GPC5: variants seen among roughly 807,000 people sequenced by gnomAD.
The protein encoded by GPC5 is glypican-5.
A neutral mutation model predicts 53.9 loss-of-function variants in GPC5; 47 were observed. That is an observed-to-expected ratio of 0.87 (90% confidence interval 0.69 to 1.11). GPC5 has a LOEUF of 1.11. Ranked by LOEUF, GPC5 falls within the 50% of genes most tolerant of loss-of-function variation. The pLI, the probability that GPC5 is intolerant of heterozygous loss-of-function variation, is 0.00. For missense variants in GPC5, 748 were observed against 713.1 expected (o/e 1.05, Z -0.56); for synonymous variants, 286 against 263.3 (o/e 1.09, Z -0.84).
At chr13:92,183,703 A>T (rs2042163580) in intron 7 of GPC5, among the ~76,000 whole-genome samples, 1 of 152,018 alleles carries the variant, frequency 6.6e-6, no homozygotes, top group African/African-American at 2.4e-5. Flanking sequence ...GTCAAATGTA[A>T]ATATGGTATA....
At chr13:92,609,862 C>G (rs1219701678) in intron 7 of GPC5, among the ~76,000 whole-genome samples, 3 of 151,762 alleles carry the variant, frequency 2.0e-5, no homozygotes, top group African/African-American at 7.3e-5. Context: ...GAAATCCCGT[C>G]TCTACTAAAA....
chr13:92,406,932 C>T (rs1875819883), intron 7 of GPC5, among the ~76,000 whole-genome samples: 1 of 152,158 alleles, frequency 6.6e-6, no homozygotes, highest in South Asian at 2.1e-4. Context: ...CATTATTCAT[C>T]TCTTTGCAGA....
chr13:91,873,790 C>T (rs1273667856), intron 5 of GPC5, among the ~76,000 whole-genome samples: 6 of 152,044 alleles, frequency 3.9e-5, no homozygotes, highest in African/African-American at 7.2e-5. Flanking sequence ...CTCAAGGACT[C>T]CTCCTGTTAG....
intron 2 of GPC5, among the ~76,000 whole-genome samples, chr13:91,558,042 G>C (rs911753376): frequency 9.2e-5 from 14 of 152,248 alleles, no homozygotes; most frequent in Middle Eastern, 3.4e-3. Context: ...AAGTCAGGGG[G>C]AGCATATTTT....
At chr13:92,154,015 T>C (rs1031291226) in intron 7 of GPC5, among the ~76,000 whole-genome samples, 1 of 152,192 alleles carries the variant, frequency 6.6e-6, no homozygotes. Context: ...GAGGTTCATT[T>C]TGGCTCAAGT....
At chr13:91,874,543 T>G (rs533397251) in intron 5 of GPC5, among the ~76,000 whole-genome samples, 4 of 152,312 alleles carry the variant, frequency 2.6e-5, no homozygotes, top group African/African-American at 9.6e-5. Context: ...GCCCATATAT[T>G]TTGACTACCC....
intron 7 of GPC5, among the ~76,000 whole-genome samples, chr13:92,845,033 C>A (rs960228618): frequency 1.3e-5 from 2 of 151,866 alleles, no homozygotes; most frequent in African/African-American, 4.8e-5. Context: ...TTCTCCTCAA[C>A]AAATTTTGAG....
chr13:92,550,511 T>G (rs1235701637), intron 7 of GPC5, among the ~76,000 whole-genome samples: 2 of 151,874 alleles, frequency 1.3e-5, no homozygotes, highest in Non-Finnish European at 2.9e-5. Flanking sequence ...CTCTTTTGTC[T>G]TGATTTTCAA....
chr13:91,888,109 C>A (rs1025887268), intron 5 of GPC5, among the ~76,000 whole-genome samples: 3 of 152,136 alleles, frequency 2.0e-5, no homozygotes, highest in African/African-American at 4.8e-5. Context: ...ATACACAGTT[C>A]CACATAGCTG....
chr13:92,314,724 C>A (rs2043167080), intron 7 of GPC5, among the ~76,000 whole-genome samples: 1 of 152,092 alleles, frequency 6.6e-6, no homozygotes. Context: ...AGATGAAGAC[C>A]AGAGAGGAGA....
intron 6 of GPC5, among the ~76,000 whole-genome samples, chr13:92,043,375 G>A (rs989878606): frequency 6.6e-6 from 1 of 152,128 alleles, no homozygotes; most frequent in Non-Finnish European, 1.5e-5. Flanking sequence ...TTAAACCAGG[G>A]GTGAGGCTGT....
rs562845602 is a variant in GPC5, at chr13:92,293,565, A to G, written c.1561+148576A>G. 2.9e-3 allele frequency among the ~76,000 whole-genome samples: 441 copies of G among 151,842 alleles called. 2 individuals are homozygous for G. The highest frequency in any genetic ancestry group is 0.01 in the African/African-American group (425 of 41,438). ...ATTTTGTATCCAGAGACTTTGCTGA[A>G]TTATTTTATCAGTTCTAGGAGCTTT... is the stretch of plus-strand genomic sequence containing the variant. On this transcript the variant is annotated intron_variant, in intron 7 of 7. Transcript: ENST00000377067.
At chr13:91,676,111 C>T (rs1349057053) in intron 2 of GPC5, among the ~76,000 whole-genome samples, 1 of 152,142 alleles carries the variant, frequency 6.6e-6, no homozygotes, top group Non-Finnish European at 1.5e-5. Flanking sequence ...CCCTCTGTCG[C>T]CCAGGCTGGA....
intron 7 of GPC5, among the ~76,000 whole-genome samples, chr13:92,306,513 T>A (rs1364325792): frequency 6.6e-6 from 1 of 152,168 alleles, no homozygotes; most frequent in Non-Finnish European, 1.5e-5. Flanking sequence ...TAATGTAGAC[T>A]CTTACCCTAG....
At chr13:92,343,338 C>G (rs1566547475) in intron 7 of GPC5, among the ~76,000 whole-genome samples, 1 of 152,068 alleles carries the variant, frequency 6.6e-6, no homozygotes, top group African/African-American at 2.4e-5. Flanking sequence ...ATTCAATTGC[C>G]CTATATTATG....
In GPC5 at chr13:92,096,088, C is replaced by T. The variant is rs78761858; in HGVS notation, c.1402-48742C>T. On this transcript the variant is annotated intron_variant, in intron 6 of 7. Transcript: ENST00000377067. Reference sequence around the variant, plus strand: ...TGTACCATCTCAGAAACCTTCAGCTCAGTCACCACATGTCAGATGGGTAAT... The same window carrying T: ...TGTACCATCTCAGAAACCTTCAGCTTAGTCACCACATGTCAGATGGGTAAT... 4.3e-3 allele frequency among the ~76,000 whole-genome samples: 652 copies of T among 152,310 alleles called. 10 individuals carry two copies. Among genetic ancestry groups the T allele is most frequent in the African/African-American group, 0.015 (622 of 41,590 alleles).
chr13:92,641,532 G>T (rs889364191), intron 7 of GPC5, among the ~76,000 whole-genome samples: 9 of 152,286 alleles, frequency 5.9e-5, no homozygotes, highest in African/African-American at 2.2e-4. Flanking sequence ...TTACTTTAGT[G>T]TTAAATTTCT....
At position 92,755,185 on chromosome 13, in the gene GPC5, C is replaced by T. The variant is rs1302328152; in HGVS notation, c.1562-111097C>T. ...TCAGGATTAAGAATCTCACTCAAAGCCGCTCAACTACATGGAAACTGAACA... is the reference window on the plus strand; with the variant it reads ...TCAGGATTAAGAATCTCACTCAAAGTCGCTCAACTACATGGAAACTGAACA... On this transcript the variant is annotated intron_variant, in intron 7 of 7. Coordinates refer to ENST00000377067, the MANE Select transcript of GPC5 (RefSeq NM_004466.6). Among the ~76,000 whole-genome samples, 3 of 140,324 alleles carry T rather than the reference C, an allele frequency of 2.1e-5. No homozygotes were observed. In the East Asian group the frequency reaches 6.6e-4, roughly 31 times the overall value. The allele number at this position is 140,324 out of a possible 152,430, so 92.1% of individuals were successfully genotyped here.
intron 7 of GPC5, among the ~76,000 whole-genome samples, chr13:92,253,880 A>G (rs2042708899): frequency 6.6e-6 from 1 of 152,060 alleles, no homozygotes; most frequent in Non-Finnish European, 1.5e-5. Flanking sequence ...GGAATAAATT[A>G]GGATAGTTTG....
Sources: allele counts gnomAD v4.1 joint callset (sites outside exome capture counted in the v4.1 genomes callset), GRCh38; gene constraint gnomAD v4.1.1; transcripts MANE v1.5; gene names NCBI Gene and HGNC (gene_info 2026-07-23, HGNC 2026-07-21).